NRG1: variants seen among roughly 807,000 people sequenced by gnomAD.
NRG1 encodes neuregulin 1.
A neutral mutation model predicts 63.8 loss-of-function variants in NRG1; 18 were observed. The ratio of observed to expected loss-of-function variants is 0.28; its 90% CI spans 0.19 to 0.42. The LOEUF (loss-of-function observed/expected upper bound fraction) is 0.42, where lower values mean the gene tolerates loss of function less well. NRG1 is among the 10% of genes least tolerant of loss of function. The pLI is 1.00. For synonymous variants in NRG1, 302 were observed against 301.3 expected, an observed-to-expected ratio of 1.00 and a Z score of -0.02; for missense variants, 762 against 814.7, an observed-to-expected ratio of 0.94 and a Z score of 0.79.
At chr8:32,621,063 T>C (rs912070090) in intron 5 of NRG1, among the ~76,000 whole-genome samples, 1 of 152,138 alleles carries the variant, frequency 6.6e-6, no homozygotes, top group African/African-American at 2.4e-5. Context: ...TTGCCCCCTT[T>C]CTGTTTATTT....
chr8:32,251,131 G>A (rs911327595), intron 1 of NRG1, among the ~76,000 whole-genome samples: 8 of 151,634 alleles, frequency 5.3e-5, no homozygotes, highest in East Asian at 1.9e-4. Context: ...ATAGGCATAC[G>A]CTTGCCATGG....
rs556061701 is a variant in NRG1 at position 32,613,059 on chromosome 8, C to T, written c.401-1455C>T. On this transcript the variant is annotated intron_variant, in intron 3 of 11. Transcript: ENST00000356819. ...AACAGATATCTTCATATTACCAATT[C>T]GGAATATCCTCTTTCTCGCCTGATG... Among the ~76,000 whole-genome samples the T allele has an allele frequency of 5.9e-5, 9 of 152,084 alleles. No homozygotes were observed. In the East Asian group the frequency reaches 1.4e-3, roughly 23 times the overall value.
intron 5 of NRG1, among the ~76,000 whole-genome samples, chr8:32,702,565 CCA>C (rs1380763367): frequency 6.6e-6 from 1 of 152,152 alleles, no homozygotes; most frequent in Non-Finnish European, 1.5e-5. Context: ...TGGCTAACTA[CCA>C]CCTCCTCCTC....
chr8:31,895,507 G>A (rs1024045483), intron 1 of NRG1, among the ~76,000 whole-genome samples: 5 of 152,224 alleles, frequency 3.3e-5, no homozygotes, highest in African/African-American at 9.6e-5. Context: ...GAGTCTGAGT[G>A]TAATTAATCG....
At chr8:32,548,382 G>T (rs1488875889) in exon 1 of NRG1, 1 of 1,044,792 alleles carries the variant, frequency 9.6e-7, no homozygotes, top group Non-Finnish European at 1.2e-6. Context: ...CGATGGGAGC[G>T]TGAGCAGGAC....
At chr8:32,590,590 T>C (rs887123273) in intron 1 of NRG1, among the ~76,000 whole-genome samples, 3 of 152,192 alleles carry the variant, frequency 2.0e-5, no homozygotes, top group African/African-American at 7.2e-5. Flanking sequence ...TGACCCTAAG[T>C]TTAGGAACTA....
intron 1 of NRG1, among the ~76,000 whole-genome samples, chr8:32,144,708 G>A (rs1379787726): frequency 6.6e-6 from 1 of 151,982 alleles, no homozygotes; most frequent in African/African-American, 2.4e-5. Context: ...CGTCAAGCTG[G>A]GATGGATCCT....
At chr8:32,422,918 A>G (rs936998344) in intron 1 of NRG1, among the ~76,000 whole-genome samples, 2 of 152,222 alleles carry the variant, frequency 1.3e-5, no homozygotes, top group African/African-American at 2.4e-5. Context: ...CAGTTTTGAA[A>G]AAGAAGCCAA....
In NRG1 at chr8:32,060,653, G is replaced by A. The variant is rs530225592; in HGVS notation, c.37+421222G>A. 7.2e-5 allele frequency among the ~76,000 whole-genome samples: 11 copies of A among 152,040 alleles called. No individual in the cohort carries two copies. In the East Asian group the frequency reaches 2.1e-3, roughly 29 times the overall value. On this transcript the variant is annotated intron_variant, in intron 1 of 10. Coordinates refer to the NRG1 transcript ENST00000519301. ...ATATCTCAAACGGAGATATTTGGCT[G>A]CACAGGAGAACAACATATGTAGCTG...
At chr8:32,415,828 A>G (rs769698410) in intron 1 of NRG1, among the ~76,000 whole-genome samples, 9 of 152,092 alleles carry the variant, frequency 5.9e-5, no homozygotes, top group African/African-American at 9.7e-5. Context: ...TTTTCACCCT[A>G]TTGAAAATCA....
At chr8:31,767,215 A>G (rs1375281394) in intron 1 of NRG1, among the ~76,000 whole-genome samples, 1 of 152,162 alleles carries the variant, frequency 6.6e-6, no homozygotes, top group Non-Finnish European at 1.5e-5. Context: ...GGCTGATTTT[A>G]TAGAGAGCTC....
In NRG1 at chr8:31,939,961, A is replaced by G. The variant is rs570220370; in HGVS notation, c.37+300530A>G. Reference sequence around the variant, plus strand: ...AAGAAATGAGATAGACAGCAACACAATAGTAGTGGGGGACTTCAGTACTCC... The same window carrying G: ...AAGAAATGAGATAGACAGCAACACAGTAGTAGTGGGGGACTTCAGTACTCC... On this transcript the variant is annotated intron_variant, in intron 1 of 10. Transcript: ENST00000519301. Among the ~76,000 whole-genome samples the G allele has an allele frequency of 3.3e-5, 5 of 152,134 alleles. No homozygotes were observed. The South Asian group carries it at 8.3e-4, about 25-fold the overall frequency.
At chr8:32,399,303 C>T (rs747926894) in intron 1 of NRG1, among the ~76,000 whole-genome samples, 3 of 152,238 alleles carry the variant, frequency 2.0e-5, no homozygotes, top group African/African-American at 4.8e-5. Context: ...TAATTAGAAC[C>T]TTCTGTTTGT....
chr8:32,229,768 C>A (rs2132572000), intron 1 of NRG1, among the ~76,000 whole-genome samples: 1 of 152,164 alleles, frequency 6.6e-6, no homozygotes, highest in Middle Eastern at 3.4e-3. Flanking sequence ...AATATGTTGC[C>A]AAGACATTGG....
At chr8:32,527,302 C>T (rs570851656) in intron 1 of NRG1, among the ~76,000 whole-genome samples, 1 of 152,182 alleles carries the variant, frequency 6.6e-6, no homozygotes, top group Non-Finnish European at 1.5e-5. Flanking sequence ...ATACAACACA[C>T]ACAGACACAC....
rs10503929 is a variant in NRG1 at position 32,756,465 on chromosome 8, T to C, written c.857T>C (p.Met286Thr). The C allele has an allele frequency of 0.16, 254,807 of 1,613,406 alleles. 22,620 individuals carry two copies. Among genetic ancestry groups the C allele is most frequent in the Non-Finnish European group, 0.18 (212,569 of 1,179,564 alleles). Residue 286 changes from methionine to threonine, a missense_variant, in exon 9 of 12, where the codon ATG becomes ACG. By Grantham distance (81) the Met-to-Thr change is moderately conservative. Transcript: ENST00000356819. ...AGCCTTCGGTCTGAACGAAACAATA[T>C]GATGAACATTGCCAATGGGCCTCAC...
intron 1 of NRG1, among the ~76,000 whole-genome samples, chr8:32,558,777 G>A (rs1383495656): frequency 6.6e-6 from 1 of 152,044 alleles, no homozygotes; most frequent in Non-Finnish European, 1.5e-5. Context: ...CTGTTGCTCT[G>A]GAGCAATGTA....
intron 1 of NRG1, among the ~76,000 whole-genome samples, chr8:31,976,196 T>C (rs886083628): frequency 1.3e-5 from 2 of 152,200 alleles, no homozygotes; most frequent in Non-Finnish European, 2.9e-5. Flanking sequence ...CATTGTTTGG[T>C]AAAAGATTGG....
intron 1 of NRG1, among the ~76,000 whole-genome samples, chr8:32,145,058 G>A (rs1344412286): frequency 2.6e-5 from 4 of 152,158 alleles, no homozygotes; most frequent in Non-Finnish European, 4.4e-5. Context: ...CAAGCTCTGC[G>A]AGATATCCTA....
Sources: gnomAD v4.1 joint callset for allele counts (sites outside exome capture counted in the v4.1 genomes callset) on GRCh38, gnomAD v4.1.1 for gene constraint, MANE v1.5 for transcripts, NCBI Gene and HGNC (gene_info 2026-07-23, HGNC 2026-07-21) for gene names.